The following TUBA3D variants were observed in gnomAD, a reference collection of about 807,000 sequenced individuals.
The protein encoded by TUBA3D is tubulin alpha-3D chain.
TUBA3D carries 24 observed loss-of-function variants against 36.1 expected under a neutral mutation model. That is an observed-to-expected ratio of 0.66 (90% CI 0.48 to 0.93). The LOEUF (loss-of-function observed/expected upper bound fraction) is 0.93. Ranked by LOEUF, TUBA3D falls within the 40% of genes least tolerant of loss-of-function variation. TUBA3D has a pLI of 0.00. For synonymous variants in TUBA3D, 185 were observed against 247.2 expected, an observed-to-expected ratio of 0.75 and a Z score of 2.36; for missense variants, 356 against 614.5, an observed-to-expected ratio of 0.58 and a Z score of 4.45.
chr2:131,481,514 CA>C (rs1238663931), intron 4 of TUBA3D, among the ~76,000 whole-genome samples: 1 of 151,136 alleles, frequency 6.6e-6, no homozygotes, highest in Non-Finnish European at 1.5e-5. Context: ...TGACTCACTG[CA>C]ACCTCCACCT....
rs2104726056 is a variant in TUBA3D, at chr2:131,480,756, C to A, written c.1056+7C>A. ...GTGCCCGACTGGATTTAAGGTATGACTGGGTGATGTGGAGGCCTTTCAGCA... is the reference window on the plus strand; with the variant it reads ...GTGCCCGACTGGATTTAAGGTATGAATGGGTGATGTGGAGGCCTTTCAGCA... On this transcript the variant is annotated splice_region_variant and intron_variant, in intron 4 of 4. Transcript: ENST00000321253. 6.2e-7 allele frequency: 1 copy of A among 1,606,644 alleles called. No individual in the cohort carries two copies. The highest frequency in any genetic ancestry group is 8.5e-7 in the Non-Finnish European group (1 of 1,174,312).
rs1678801951 is a variant in TUBA3D, at chr2:131,480,064, C to T, written c.376-5C>T. 1 of 1,575,060 alleles carries T rather than the reference C, an allele frequency of 6.3e-7. No homozygotes were observed. Among genetic ancestry groups the T allele is most frequent in the Admixed American group, 1.8e-5 (1 of 55,698 alleles). On this transcript the variant is annotated splice_region_variant and splice_polypyrimidine_tract_variant and intron_variant, in intron 3 of 4. Transcript: ENST00000321253. ...CATTGGCTCACGTTGTGTGGTTTCT[C>T]TCAGGCGGATCTGTGCACAGGACTG...
chr2:131,479,413 G>T lies in TUBA3D; in HGVS notation c.332G>T (p.Gly111Val), dbSNP rs1280973323. ...NNYARGHYTI[G>V]KEIVDLVLDR... is the part of the protein sequence containing the mutation. ...TACGCCAGGGGCCATTACACCATCG[G>T]CAAGGAGATTGTTGACCTAGTCCTG... Residue 111 changes from glycine (G) to valine (V), a missense_variant, in exon 3 of 5, where the codon GGC (glycine) becomes GTC (valine). Physicochemically the swap from Gly to Val is moderately radical, Grantham distance 109. This residue lies in a region of TUBA3D where 109 missense variants were observed against 153.7 expected (regional missense o/e 0.71). Transcript: ENST00000321253. 6.2e-7 allele frequency: 1 copy of T among 1,614,066 alleles called. No individual in the cohort carries two copies. Among genetic ancestry groups the T allele is most frequent in the Non-Finnish European group, 8.5e-7 (1 of 1,180,048 alleles).
chr2:131,480,000 C>T, intron 3 of TUBA3D, 69 bp from the exon 4 acceptor site: 1 of 1,516,394 alleles, frequency 6.6e-7, no homozygotes, highest in South Asian at 1.3e-5. Flanking sequence ...AGAGAAGCGG[C>T]CCTGGCTTGT....
chr2:131,478,296 G>A lies in TUBA3D; in HGVS notation c.136G>A (p.Asp46Asn). 5.0e-6 allele frequency: 8 copies of A among 1,614,020 alleles called. No homozygotes were observed. The highest frequency in any genetic ancestry group is 6.8e-6 in the Non-Finnish European group (8 of 1,179,898). Reference protein sequence around the residue: ...MPSDKTIGGGDDSFNTFFSET... With the variant: ...MPSDKTIGGGNDSFNTFFSET... ...AAGTGATAAAACCATTGGTGGCGGG[G>A]ACGACTCCTTCAACACGTTCTTCAG... The change falls in exon 2 of 5, where the codon GAC becomes AAC. Residue 46 changes from aspartate (D) to asparagine (N), a missense_variant. By Grantham distance (23) the Asp-to-Asn change is conservative (BLOSUM62 1). Around this residue, in one of 3 missense-constraint regions of TUBA3D, gnomAD observed 109 missense variants for 153.7 expected, o/e 0.71. Coordinates refer to ENST00000321253, the MANE Select transcript of TUBA3D (RefSeq NM_080386.4).
intron 4 of TUBA3D, among the ~76,000 whole-genome samples, chr2:131,482,101 T>C (rs1347846483): frequency 2.6e-5 from 4 of 152,248 alleles, no homozygotes; most frequent in Admixed American, 2.6e-4. Flanking sequence ...CTGCTACCTT[T>C]GCATATCCAC....
At chr2:131,479,909 G>C (rs1271504246) in intron 3 of TUBA3D, among the ~76,000 whole-genome samples, 160 bp from the exon 4 acceptor site, 1 of 152,160 alleles carries the variant, frequency 6.6e-6, no homozygotes, top group Non-Finnish European at 1.5e-5. Flanking sequence ...TTTGTCCGTA[G>C]ATCTTTGCTT....
intron 4 of TUBA3D, among the ~76,000 whole-genome samples, chr2:131,482,021 G>A (rs1180003200): frequency 6.6e-6 from 1 of 152,202 alleles, no homozygotes; most frequent in Non-Finnish European, 1.5e-5. Context: ...TACTTAGGCA[G>A]GCACATGGAC....
chr2:131,479,508 C>T, intron 3 of TUBA3D, 52 bp downstream of exon 3: 2 of 1,600,314 alleles, frequency 1.2e-6, no homozygotes, highest in South Asian at 2.2e-5. Flanking sequence ...AGGGGTAGTT[C>T]TTGGAATGTG....
In TUBA3D at chr2:131,482,794, A is replaced by G; in HGVS notation, c.1299A>G (p.Glu433=). 6.2e-7 allele frequency: 1 copy of G among 1,614,116 alleles called. No homozygotes were observed. Among genetic ancestry groups the G allele is most frequent in the Admixed American group, 1.7e-5 (1 of 60,024 alleles). The change falls in exon 5 of 5, where the codon GAA becomes GAG. Residue 433 remains glutamate (E), a synonymous_variant. Transcript: ENST00000321253. ...TGGCAGCTCTAGAGAAGGATTATGAAGAGGTGGGCGTGGATTCCGTGGAAG... is the reference window on the plus strand; with the variant it reads ...TGGCAGCTCTAGAGAAGGATTATGAGGAGGTGGGCGTGGATTCCGTGGAAG... ...EDLAALEKDY[E]EVGVDSVEAE...
rs146922094 is a variant in TUBA3D at position 131,477,915 on chromosome 2, T to C, written c.4-249T>C. 6.4e-3 allele frequency among the ~76,000 whole-genome samples: 977 copies of C among 152,320 alleles called. 12 individuals carry two copies. Among genetic ancestry groups the C allele is most frequent in the African/African-American group, 0.022 (928 of 41,566 alleles). The stretch of plus-strand genomic sequence containing the variant: ...ATTACATGGCTTCCAAGTTTTAAAA[T>C]AACCTAAGTTTTGTGTAGTGGCAAA... On this transcript the variant is annotated intron_variant, in intron 1 of 4. Transcript: ENST00000321253.
intron 4 of TUBA3D, among the ~76,000 whole-genome samples, chr2:131,481,227 G>T (rs16856655): frequency 0.17 from 25,906 of 151,696 alleles, 4,053 homozygotes; most frequent in African/African-American, 0.42. Context: ...TGAACTCTCT[G>T]TCTGAGTCAT....
At chr2:131,477,849 G>C (rs1329771725) in intron 1 of TUBA3D, among the ~76,000 whole-genome samples, 2 of 152,172 alleles carry the variant, frequency 1.3e-5, no homozygotes, top group African/African-American at 4.8e-5. Context: ...ATTCTTCAGA[G>C]AATTACTGTG....
rs1224543432 is a variant in TUBA3D, at chr2:131,481,529, G to T, written c.1056+780G>T. On this transcript the variant is annotated intron_variant, in intron 4 of 4. Transcript: ENST00000321253. ...TGACTCACTGCAACCTCCACCTCCCGGGCTCAAGCAGTTCTCTGCCTCAGC... is the reference window on the plus strand; with the variant it reads ...TGACTCACTGCAACCTCCACCTCCCTGGCTCAAGCAGTTCTCTGCCTCAGC... Among the ~76,000 whole-genome samples the T allele has an allele frequency of 2.0e-5, 3 of 149,866 alleles. No homozygotes were observed. The East Asian group carries it at 5.9e-4, about 30-fold the overall frequency.
In TUBA3D at chr2:131,479,347, C is replaced by T. The variant is rs756548886; in HGVS notation, c.266C>T (p.Pro89Leu). Residue 89 changes from proline (P) to leucine (L), a missense_variant, in exon 3 of 5, where the codon CCG becomes CTG. Transcript: ENST00000321253. The stretch of plus-strand genomic sequence containing the variant: ...GGGACCTACAGGCAGCTCTTCCACC[C>T]GGAGCAGCTGATCACCGGGAAGGAA... ...RTGTYRQLFH[P>L]EQLITGKEDA... The T allele has an allele frequency of 1.5e-5, 24 of 1,613,990 alleles. No individual in the cohort carries two copies. The highest frequency in any genetic ancestry group is 1.9e-5 in the Non-Finnish European group (22 of 1,180,030).
chr2:131,480,066 C>T lies in TUBA3D; in HGVS notation c.376-3C>T. On this transcript the variant is annotated splice_region_variant and splice_polypyrimidine_tract_variant and intron_variant, in intron 3 of 4. Coordinates refer to ENST00000321253, the MANE Select transcript of TUBA3D (RefSeq NM_080386.4). ...TTGGCTCACGTTGTGTGGTTTCTCT[C>T]AGGCGGATCTGTGCACAGGACTGCA... is the stretch of plus-strand genomic sequence containing the variant. 1.3e-6 allele frequency: 2 copies of T among 1,576,094 alleles called. No homozygotes were observed. The highest frequency in any genetic ancestry group is 1.7e-6 in the Non-Finnish European group (2 of 1,160,712).
chr2:131,481,694 C>A (rs547516375), intron 4 of TUBA3D, among the ~76,000 whole-genome samples: 261 of 151,834 alleles, frequency 1.7e-3, no homozygotes, highest in Non-Finnish European at 3.1e-3. Context: ...CTTAGCCTCC[C>A]AAGTGCTGGA....
intron 1 of TUBA3D, among the ~76,000 whole-genome samples, chr2:131,477,423 G>C (rs547322542): frequency 5.6e-4 from 85 of 152,300 alleles, no homozygotes; most frequent in African/African-American, 1.9e-3. Flanking sequence ...AAGGGGTAGA[G>C]AGAGGGAGTG....
chr2:131,476,937 A>C (rs1265676929), intron 1 of TUBA3D, among the ~76,000 whole-genome samples: 2,104 of 122,936 alleles, frequency 0.017, 107 homozygotes, highest in African/African-American at 0.08. Flanking sequence ...CCTCAAAGAC[A>C]CAAACAAAAA....
Sources: gnomAD v4.1 joint callset for allele counts (sites outside exome capture counted in the v4.1 genomes callset) on GRCh38, gnomAD v4.1.1 for gene constraint, gnomAD v4.1.1 regional missense constraint, MANE v1.5 for transcripts, NCBI Gene and HGNC (gene_info 2026-07-23, HGNC 2026-07-21) for gene names.